Variants in KCNH5 observed in about 807,000 individuals in gnomAD.
KCNH5 encodes potassium voltage-gated channel subfamily H member 5.
A neutral mutation model predicts 96.1 loss-of-function variants in KCNH5; 46 were observed. The ratio of observed to expected loss-of-function variants is 0.48; its 90% confidence interval spans 0.38 to 0.61. KCNH5 has a LOEUF of 0.61. KCNH5 is among the 20% of genes least tolerant of loss of function. KCNH5 has a pLI of 0.00. For synonymous variants in KCNH5, 439 were observed against 449.8 expected, an observed-to-expected ratio of 0.98 and a Z score of 0.30; for missense variants, 907 against 1,225.8, an observed-to-expected ratio of 0.74 and a Z score of 3.88.
intron 10 of KCNH5, among the ~76,000 whole-genome samples, chr14:62,738,725 C>G (rs1885210502): frequency 6.6e-6 from 1 of 152,148 alleles, no homozygotes; most frequent in Non-Finnish European, 1.5e-5. Context: ...TAAGTACCAT[C>G]AGGCACTGTG....
intron 7 of KCNH5, among the ~76,000 whole-genome samples, chr14:62,929,320 C>G (rs1889536667): frequency 6.6e-6 from 1 of 152,082 alleles, no homozygotes; most frequent in Non-Finnish European, 1.5e-5. Flanking sequence ...CCAACATCGT[C>G]TTTCACTAAA....
rs1047795430 is a variant in KCNH5 at position 62,704,388 on chromosome 14, G to C, written c.*3120C>G. On this transcript the variant is annotated 3_prime_UTR_variant, in exon 11 of 11. Coordinates refer to ENST00000322893, the MANE Select transcript of KCNH5 (RefSeq NM_139318.5). Reference sequence around the variant, plus strand: ...TTTTCAGTACCATTCATATAGCTTTGGTATTGTCATCTGGCTTTTGTGTGC... The same window carrying C: ...TTTTCAGTACCATTCATATAGCTTTCGTATTGTCATCTGGCTTTTGTGTGC... 1 of 151,588 alleles carries C rather than the reference G, an allele frequency of 6.6e-6. No homozygotes were observed. The highest frequency in any genetic ancestry group is 1.5e-5 in the Non-Finnish European group (1 of 67,718). The allele number at this position is 151,588 out of a possible 1,614,324, so 9.4% of individuals were successfully genotyped here. A position where few individuals can be genotyped will look rare whatever the true frequency, so the allele number is the denominator to read the frequency against.
chr14:62,868,206 T>C (rs1888174180), intron 7 of KCNH5, among the ~76,000 whole-genome samples: 1 of 152,218 alleles, frequency 6.6e-6, no homozygotes, highest in African/African-American at 2.4e-5. Context: ...CCCTGAGGAT[T>C]TACTCAAGCC....
intron 6 of KCNH5, among the ~76,000 whole-genome samples, chr14:62,979,808 T>G (rs1026112575): frequency 6.6e-6 from 1 of 152,190 alleles, no homozygotes; most frequent in African/African-American, 2.4e-5. Context: ...AGTGGTCTTT[T>G]AAGCTTCTAC....
At chr14:62,925,986 C>T (rs1372509111) in intron 7 of KCNH5, among the ~76,000 whole-genome samples, 1 of 152,018 alleles carries the variant, frequency 6.6e-6, no homozygotes, top group Non-Finnish European at 1.5e-5. Flanking sequence ...CCATTATAGA[C>T]TTGCACAAGC....
At chr14:62,811,370 C>T (rs893330516) in intron 8 of KCNH5, among the ~76,000 whole-genome samples, 2 of 152,130 alleles carry the variant, frequency 1.3e-5, no homozygotes, top group East Asian at 1.9e-4. Flanking sequence ...GTCCTCCAAC[C>T]ATGCCTTCCA....
At chr14:63,026,114 A>C (rs1374615849) in intron 1 of KCNH5, among the ~76,000 whole-genome samples, 1 of 152,094 alleles carries the variant, frequency 6.6e-6, no homozygotes, top group African/African-American at 2.4e-5. Flanking sequence ...ACAATGAGGA[A>C]AGGGCAATCT....
intron 4 of KCNH5, among the ~76,000 whole-genome samples, chr14:62,994,486 T>C (rs1462639747): frequency 2.0e-5 from 3 of 152,116 alleles, no homozygotes; most frequent in Non-Finnish European, 4.4e-5. Flanking sequence ...ATTATTATAA[T>C]GTATCAGGTA....
At position 62,924,302 on chromosome 14, in the gene KCNH5, C is replaced by A. The variant is rs190784990; in HGVS notation, c.1369+25831G>T. Among the ~76,000 whole-genome samples the A allele has an allele frequency of 7.2e-4, 109 of 151,840 alleles. No individual in the cohort carries two copies. In the East Asian group the frequency reaches 0.02, roughly 28 times the overall value. ...TCACACATGATAGGATGCCTATTAT[C>A]AAAAAGTCAAAAGATAGCAATTGTT... On this transcript the variant is annotated intron_variant, in intron 7 of 10. Coordinates refer to ENST00000322893, the MANE Select transcript of KCNH5 (RefSeq NM_139318.5).
chr14:62,764,712 T>C (rs1391316105), intron 10 of KCNH5, among the ~76,000 whole-genome samples: 2 of 152,210 alleles, frequency 1.3e-5, no homozygotes, highest in Admixed American at 6.5e-5. Context: ...GTAGCATTTC[T>C]ATATACCAAC....
intron 3 of KCNH5, among the ~76,000 whole-genome samples, chr14:63,004,787 G>C (rs1294559821): frequency 1.3e-5 from 2 of 152,042 alleles, no homozygotes; most frequent in South Asian, 4.2e-4. Context: ...TTTTCATAGA[G>C]GCAGGGTCTT....
chr14:62,936,966 G>T (rs1173250442), intron 7 of KCNH5, among the ~76,000 whole-genome samples: 2 of 120,368 alleles, frequency 1.7e-5, no homozygotes, highest in Non-Finnish European at 1.6e-5. Flanking sequence ...GGGCAACAGA[G>T]TGAGACTCCA....
chr14:62,710,732 T>C (rs1481147317), intron 10 of KCNH5, among the ~76,000 whole-genome samples: 1 of 152,166 alleles, frequency 6.6e-6, no homozygotes, highest in Non-Finnish European at 1.5e-5. Context: ...TGGAACCGTT[T>C]CAAAGTCAGT....
chr14:62,721,521 T>TC (rs60025123), intron 10 of KCNH5, among the ~76,000 whole-genome samples: 2 of 151,818 alleles, frequency 1.3e-5, no homozygotes, highest in Non-Finnish European at 2.9e-5. Flanking sequence ...TCTCTCTCTC[T>TC]TTCTATGGCA....
At chr14:62,740,154 T>C (rs1270440713) in intron 10 of KCNH5, among the ~76,000 whole-genome samples, 1 of 152,122 alleles carries the variant, frequency 6.6e-6, no homozygotes, top group Non-Finnish European at 1.5e-5. Flanking sequence ...GATAGACTCA[T>C]TATAGGAAGG....
chr14:62,791,009 T>C (rs1350379398), intron 9 of KCNH5, among the ~76,000 whole-genome samples: 1 of 151,756 alleles, frequency 6.6e-6, no homozygotes, highest in Non-Finnish European at 1.5e-5. Context: ...TCCAGCGCTA[T>C]ATTGAATAGA....
intron 10 of KCNH5, among the ~76,000 whole-genome samples, chr14:62,772,207 C>T (rs1207483894): frequency 1.3e-5 from 2 of 151,758 alleles, no homozygotes; most frequent in South Asian, 2.1e-4. Context: ...TTCTCCTTCC[C>T]TTCCTTTTTT....
intron 7 of KCNH5, among the ~76,000 whole-genome samples, chr14:62,886,084 G>T (rs950829877): frequency 6.6e-6 from 1 of 150,460 alleles, no homozygotes; most frequent in Non-Finnish European, 1.5e-5. Flanking sequence ...TGTTCATGCT[G>T]AACACTTCTC....
intron 9 of KCNH5, among the ~76,000 whole-genome samples, chr14:62,797,306 C>T (rs190832050): frequency 1.8e-4 from 27 of 152,244 alleles, no homozygotes; most frequent in African/African-American, 6.3e-4. Flanking sequence ...ATAATTGCTG[C>T]TTAAAATGTT....
Sources: gnomAD v4.1 joint callset for allele counts (sites outside exome capture counted in the v4.1 genomes callset) on GRCh38, gnomAD v4.1.1 for gene constraint, MANE v1.5 for transcripts, NCBI Gene and HGNC (gene_info 2026-07-23, HGNC 2026-07-21) for gene names.